The following FUBP1 variants were observed in gnomAD, a reference collection of about 807,000 sequenced individuals.
FUBP1 encodes far upstream element binding protein 1, also known as far upstream element-binding protein 1.
Under a neutral mutation model 94.9 loss-of-function variants are expected in FUBP1, and 16 were observed. The ratio of observed to expected loss-of-function variants is 0.17; its 90% CI spans 0.11 to 0.26. FUBP1 has a LOEUF of 0.26. Among genes scored for constraint, FUBP1 ranks in the 10% least tolerant of loss-of-function variants. FUBP1 has a pLI of 1.00. For missense variants in FUBP1, 583 were observed against 808.6 expected, an observed-to-expected ratio of 0.72 and a Z score of 3.38; for synonymous variants, 279 against 254.9, an observed-to-expected ratio of 1.09 and a Z score of -0.90.
At chr1:77,966,822 T>TAAAAAA in intron 6 of FUBP1, 62 bp downstream of exon 6, 1 of 1,059,100 alleles carries the variant, frequency 9.4e-7, no homozygotes. Flanking sequence ...CTAGAAGGCT[T>TAAAAAA]AAAAAAAAAA....
intron 1 of FUBP1, among the ~76,000 whole-genome samples, chr1:77,973,757 T>C (rs1480174569): frequency 6.6e-6 from 1 of 152,206 alleles, no homozygotes; most frequent in East Asian, 1.9e-4. Flanking sequence ...GTTTTTGCTC[T>C]TCACGGTTTC....
At chr1:77,973,439 T>C (rs1021658375) in intron 1 of FUBP1, among the ~76,000 whole-genome samples, 1 of 152,088 alleles carries the variant, frequency 6.6e-6, no homozygotes, top group Non-Finnish European at 1.5e-5. Context: ...ATAGACAGGG[T>C]TTCACCTTGT....
At chr1:77,957,631 C>G (rs1215368972) in intron 16 of FUBP1, among the ~76,000 whole-genome samples, 1 of 152,094 alleles carries the variant, frequency 6.6e-6, no homozygotes, top group East Asian at 1.9e-4. Context: ...TGAACAGTAG[C>G]AATTCTCAGC....
At chr1:77,960,524 T>C (rs1655257161) in intron 14 of FUBP1, 29 bp from the exon 15 acceptor site, 3 of 1,568,720 alleles carry the variant, frequency 1.9e-6, no homozygotes, top group Non-Finnish European at 2.6e-6. Flanking sequence ...CATAGAAAAA[T>C]CAGAAAAACA....
At chr1:77,965,422 T>A (rs930695876) in intron 7 of FUBP1, among the ~76,000 whole-genome samples, 191 bp from the exon 8 acceptor site, 2 of 152,156 alleles carry the variant, frequency 1.3e-5, no homozygotes, top group African/African-American at 4.8e-5. Flanking sequence ...ATTGAGAGAT[T>A]ATGCAAAAAA....
intron 19 of FUBP1, 82 bp downstream of exon 19, chr1:77,949,073 C>T: frequency 1.5e-6 from 2 of 1,303,276 alleles, no homozygotes; most frequent in Non-Finnish European, 2.2e-6. Context: ...ATTTAAAAGG[C>T]AAACACTCCC....
intron 1 of FUBP1, among the ~76,000 whole-genome samples, chr1:77,971,930 A>T (rs1205456578): frequency 6.7e-6 from 1 of 150,070 alleles, no homozygotes; most frequent in Non-Finnish European, 1.5e-5. Flanking sequence ...GCTTGAACCC[A>T]GGAAGTGGAG....
In FUBP1 at chr1:77,948,614, T is replaced by C. The variant is rs1652675913; in HGVS notation, c.*152A>G. ...CCTCCTATCAGTAGTGATAGATATT[T>C]TGTACATTTTCAAAAAAAAAAAAAA... On this transcript the variant is annotated 3_prime_UTR_variant, in exon 20 of 20. Transcript: ENST00000370768. The C allele has an allele frequency of 2.9e-6, 4 of 1,370,538 alleles. No individual in the cohort carries two copies. The highest frequency in any genetic ancestry group is 3.4e-5 in the Admixed American group (1 of 29,584). The allele number at this position is 1,370,538 out of a possible 1,614,324, so 84.9% of individuals were successfully genotyped here.
At chr1:77,959,418 C>T (rs1354442007) in intron 16 of FUBP1, among the ~76,000 whole-genome samples, 3 of 152,144 alleles carry the variant, frequency 2.0e-5, no homozygotes, top group Admixed American at 1.3e-4. Context: ...CTGATTTTTA[C>T]TCACATGAAG....
chr1:77,978,218 G>A (rs112739734), intron 1 of FUBP1, among the ~76,000 whole-genome samples: 3 of 152,318 alleles, frequency 2.0e-5, no homozygotes, highest in African/African-American at 7.2e-5. Context: ...CACGCACTAC[G>A]TAATACAAAG....
Position 77,964,362 on chromosome 1 carries a change from G to A in FUBP1, c.838-6C>T, listed in dbSNP as rs1656076840. On this transcript the variant is annotated splice_region_variant and splice_polypyrimidine_tract_variant and intron_variant, in intron 10 of 19. Transcript: ENST00000370768. ...GCAAATCTTGGAATGGGGACCTTAT[G>A]TAAAAAAGACTAAGTATTAAGAAAG... is the stretch of plus-strand genomic sequence containing the variant. The A allele has an allele frequency of 6.6e-7, 1 of 1,522,252 alleles. No homozygotes were observed. Among genetic ancestry groups the A allele is most frequent in the Non-Finnish European group, 9.0e-7 (1 of 1,107,262 alleles). 94.3% of individuals were successfully genotyped at this position (1,522,252 alleles called of 1,614,324 possible).
chr1:77,968,028 T>G, intron 3 of FUBP1, 137 bp downstream of exon 3: 1 of 580,246 alleles, frequency 1.7e-6, no homozygotes, highest in Non-Finnish European at 3.0e-6. Context: ...AAGGTATATA[T>G]TTACAAAGAA....
chr1:77,954,228 T>C (rs576523759), intron 18 of FUBP1, among the ~76,000 whole-genome samples: 2 of 152,346 alleles, frequency 1.3e-5, no homozygotes, highest in African/African-American at 2.4e-5. Context: ...ATAGCATCCC[T>C]ATTCATTCTA....
chr1:77,965,655 T>C (rs187619652), intron 7 of FUBP1, among the ~76,000 whole-genome samples: 9 of 152,354 alleles, frequency 5.9e-5, no homozygotes, highest in Admixed American at 3.9e-4. Flanking sequence ...AATGGGGTAA[T>C]AGCACTCAAA....
At chr1:77,971,923 T>C (rs1181579466) in intron 1 of FUBP1, among the ~76,000 whole-genome samples, 1 of 150,018 alleles carries the variant, frequency 6.7e-6, no homozygotes. Flanking sequence ...GAGAACTGCT[T>C]GAACCCAGGA....
chr1:77,958,166 CAG>C (rs966569373), intron 16 of FUBP1, among the ~76,000 whole-genome samples: 25 of 152,294 alleles, frequency 1.6e-4, no homozygotes, highest in African/African-American at 6.0e-4. Flanking sequence ...TGAGATAAAA[CAG>C]ACTTTAGGAA....
At position 77,960,353 on chromosome 1, in the gene FUBP1, G is replaced by A. The variant is rs770461160; in HGVS notation, c.1487C>T (p.Pro496Leu). 60 of 1,610,260 alleles carry A rather than the reference G, an allele frequency of 3.7e-5. No individual in the cohort carries two copies. The highest frequency in any genetic ancestry group is 4.8e-5 in the Non-Finnish European group (57 of 1,179,306). ...PAPYNPGPPG[P>L]APHGPPAPYA... ...TAAACCCAATACTTACTGAGGAGCCGGGCCTGGTGGTCCAGGATTATAAGG... is the reference window on the plus strand; with the variant it reads ...TAAACCCAATACTTACTGAGGAGCCAGGCCTGGTGGTCCAGGATTATAAGG... The change falls in exon 15 of 20, where the codon CCG becomes CTG. Residue 496 changes from proline (P) to leucine (L), a missense_variant. Transcript: ENST00000370768.
chr1:77,960,126 T>A, intron 16 of FUBP1, 58 bp downstream of exon 16: 2 of 1,209,888 alleles, frequency 1.7e-6, no homozygotes, highest in Non-Finnish European at 1.2e-6. Flanking sequence ...GAAAATTTAA[T>A]AATGTAACAG....
At chr1:77,949,487 A>G (rs1652936992) in intron 18 of FUBP1, among the ~76,000 whole-genome samples, 187 bp from the exon 19 acceptor site, 1 of 152,052 alleles carries the variant, frequency 6.6e-6, no homozygotes. Context: ...CTGTAAGTAC[A>G]GGTTATAAGA....
Sources: allele counts gnomAD v4.1 joint callset (sites outside exome capture counted in the v4.1 genomes callset), GRCh38; gene constraint gnomAD v4.1.1; transcripts MANE v1.5; gene names NCBI Gene and HGNC (gene_info 2026-07-23, HGNC 2026-07-21).